Variants in TXNDC17 observed in about 807,000 individuals in gnomAD.
TXNDC17 encodes the protein thioredoxin domain containing 17, also known as thioredoxin domain-containing protein 17.
In TXNDC17, 12 loss-of-function variants were observed where a neutral mutation model predicts 16.3. That is an observed-to-expected ratio of 0.74 (90% CI 0.47 to 1.19). The LOEUF is 1.19. TXNDC17 is among the 50% of genes most tolerant of loss of function. TXNDC17 has a pLI of 0.00. For synonymous variants in TXNDC17, 62 were observed against 55.0 expected, an observed-to-expected ratio of 1.13 and a Z score of -0.56; for missense variants, 158 against 149.7, an observed-to-expected ratio of 1.06 and a Z score of -0.29.
Position 6,641,158 on chromosome 17 carries a change from A to T in TXNDC17, c.76A>T (p.Thr26Ser), listed in dbSNP as rs1972649853. ...GGCCGTGGAACAGCACAATGGCAAG[A>T]CCATTTTCGCCTACTTTACGGGTTC... Reference protein sequence around the residue: ...HRAVEQHNGKTIFAYFTGSKD... With the variant: ...HRAVEQHNGKSIFAYFTGSKD... Residue 26 changes from threonine to serine, a missense_variant, in exon 1 of 4, where the codon ACC (threonine) becomes TCC (serine). Coordinates refer to ENST00000250101, the MANE Select transcript of TXNDC17 (RefSeq NM_032731.4). 5 of 1,613,732 alleles carry T rather than the reference A, an allele frequency of 3.1e-6. 1 individual carries two copies. In the African/African-American group the frequency reaches 6.7e-5, roughly 22 times the overall value.
chr17:6,641,878 GC>G, intron 2 of TXNDC17, 44 bp downstream of exon 2: 1 of 1,574,042 alleles, frequency 6.4e-7, no homozygotes, highest in South Asian at 1.1e-5. Context: ...TGCACAAATT[GC>G]ATACTTAGGC....
intron 1 of TXNDC17, 107 bp downstream of exon 1, chr17:6,641,334 G>A (rs988183910): frequency 6.6e-7 from 1 of 1,511,602 alleles, no homozygotes; most frequent in Admixed American, 1.9e-5. Flanking sequence ...CCAGACATCC[G>A]CGGAGCAATC....
Position 6,642,602 on chromosome 17 carries a change from T to C in TXNDC17, c.303+278T>C, listed in dbSNP as rs568649746. The C allele has an allele frequency of 1.1e-5, 5 of 444,762 alleles. No individual in the cohort carries two copies. In the East Asian group the frequency reaches 1.5e-4, roughly 14 times the overall value. The allele number at this position is 444,762 out of a possible 1,614,324, so 27.6% of individuals were successfully genotyped here. A position where few individuals can be genotyped will look rare whatever the true frequency, so the allele number is the denominator to read the frequency against. On this transcript the variant is annotated intron_variant, in intron 3 of 3. Coordinates refer to ENST00000250101, the MANE Select transcript of TXNDC17 (RefSeq NM_032731.4). ...GCATCAACAGTTGTTTTCTGTTTAA[T>C]TCATAATTCTGGTTAAAAAGTAAGG... is the stretch of plus-strand genomic sequence containing the variant.
Position 6,643,064 on chromosome 17 carries a change from G to GT in TXNDC17, c.*46dup. On this transcript the variant is annotated 3_prime_UTR_variant, in exon 4 of 4. Coordinates refer to ENST00000250101, the MANE Select transcript of TXNDC17 (RefSeq NM_032731.4). ...TGTCTTGATGTCCTGATTTGTTCTAGTATCAATAAACTGTATACTTGCTTT... is the reference window on the plus strand; with the variant it reads ...TGTCTTGATGTCCTGATTTGTTCTAGTTATCAATAAACTGTATACTTGCTTT... 1 of 1,517,090 alleles carries GT rather than the reference G, an allele frequency of 6.6e-7. No individual in the cohort carries two copies. 94.0% of individuals were successfully genotyped at this position (1,517,090 alleles called of 1,614,324 possible).
At chr17:6,642,919 G>T (rs1233839889) in intron 3 of TXNDC17, 32 bp from the exon 4 acceptor site, 2 of 1,528,020 alleles carry the variant, frequency 1.3e-6, no homozygotes, top group African/African-American at 2.8e-5. Flanking sequence ...TTTTATAGAA[G>T]TAGTGAAGAT....
intron 1 of TXNDC17, chr17:6,641,505 A>T: frequency 1.6e-6 from 1 of 633,298 alleles, no homozygotes; most frequent in Non-Finnish European, 2.7e-6. Flanking sequence ...GTTGGTCAGC[A>T]AATACATGTG....
chr17:6,641,122 G>A lies in TXNDC17; in HGVS notation c.40G>A (p.Glu14Lys), dbSNP rs1348101740. ...GGAGGTGAGCGTGTCCGGCTTCGAG[G>A]AGTTCCACCGGGCCGTGGAACAGCA... ...YEEVSVSGFE[E>K]FHRAVEQHNG... The change falls in exon 1 of 4, where the codon GAG becomes AAG. Residue 14 changes from glutamate to lysine, a missense_variant. Transcript: ENST00000250101. 8 of 1,613,524 alleles carry A rather than the reference G, an allele frequency of 5.0e-6. No individual in the cohort carries two copies. The highest frequency in any genetic ancestry group is 6.8e-6 in the Non-Finnish European group (8 of 1,180,018).
intron 2 of TXNDC17, 102 bp downstream of exon 2, chr17:6,641,936 A>G: frequency 9.9e-7 from 1 of 1,011,834 alleles, no homozygotes; most frequent in South Asian, 1.3e-5. Flanking sequence ...TTACAAGGTA[A>G]TGTCTGACAA....
In TXNDC17 at chr17:6,643,095, CAT is replaced by C; in HGVS notation, c.*77_*78del. On this transcript the variant is annotated 3_prime_UTR_variant, in exon 4 of 4. Coordinates refer to ENST00000250101, the MANE Select transcript of TXNDC17 (RefSeq NM_032731.4). ...ATAAACTGTATACTTGCTTTGAATT[CAT>C]GTTAGCAATAAATGATGTTAAAAAA... The C allele has an allele frequency of 7.7e-7, 1 of 1,296,770 alleles. No homozygotes were observed. The highest frequency in any genetic ancestry group is 2.3e-5 in the East Asian group (1 of 42,960). 80.3% of individuals were successfully genotyped at this position (1,296,770 alleles called of 1,614,324 possible).
Position 6,644,111 on chromosome 17 carries a change from T to C in TXNDC17, c.*1092T>C. On this transcript the variant is annotated 3_prime_UTR_variant, in exon 4 of 4. Coordinates refer to ENST00000250101, the MANE Select transcript of TXNDC17 (RefSeq NM_032731.4). ...GTTCCAGGAGATGGTCTTGCCCTAC[T>C]ATATGTCAGGAACAGCTAGCCTTAG... 1 of 416,118 alleles carries C rather than the reference T, an allele frequency of 2.4e-6. No individual in the cohort carries two copies. The highest frequency in any genetic ancestry group is 4.2e-6 in the Non-Finnish European group (1 of 235,912). 25.8% of individuals were successfully genotyped at this position (416,118 alleles called of 1,614,324 possible).
Position 6,641,835 on chromosome 17 carries a change from G to C in TXNDC17, c.227+1G>C, listed in dbSNP as rs1972679375. The C allele has an allele frequency of 6.2e-7, 1 of 1,614,110 alleles. No individual in the cohort carries two copies. The highest frequency in any genetic ancestry group is 2.2e-5 in the East Asian group (1 of 44,890). On this transcript the variant is annotated splice_donor_variant, in intron 2 of 3. Coordinates refer to ENST00000250101, the MANE Select transcript of TXNDC17 (RefSeq NM_032731.4). LOFTEE classifies it high-confidence loss of function. ...ACTGCCAAGTAGGAGAAAAGCCTTA[G>C]TAAGTGGCAATGTATAATCTACCTC...
intron 2 of TXNDC17, 196 bp downstream of exon 2, chr17:6,642,030 G>A (rs541763610): frequency 5.2e-5 from 35 of 676,108 alleles, no homozygotes; most frequent in Non-Finnish European, 8.2e-5. Flanking sequence ...TTGGTCTGGT[G>A]TAAGCCCAGA....
chr17:6,644,384 A>G lies in TXNDC17; in HGVS notation c.*1365A>G. On this transcript the variant is annotated 3_prime_UTR_variant, in exon 4 of 4. Transcript: ENST00000250101. ...GCTACCATAATAAAGGTAGATAGGAAGAGTTTTCATTTTTTTTGTCTTCAC... is the reference window on the plus strand; with the variant it reads ...GCTACCATAATAAAGGTAGATAGGAGGAGTTTTCATTTTTTTTGTCTTCAC... 2 of 1,439,898 alleles carry G rather than the reference A, an allele frequency of 1.4e-6. No individual in the cohort carries two copies. The highest frequency in any genetic ancestry group is 1.6e-5 in the South Asian group (1 of 62,858). The allele number at this position is 1,439,898 out of a possible 1,614,324, so 89.2% of individuals were successfully genotyped here.
In TXNDC17 at chr17:6,642,042, C is replaced by T. The variant is rs983711655; in HGVS notation, c.228-207C>T. On this transcript the variant is annotated intron_variant, in intron 2 of 3. Transcript: ENST00000250101. ...AATTTGGTCTGGTGTAAGCCCAGAACTTAGCTGGCTTTACTTTTATATCTT... is the reference window on the plus strand; with the variant it reads ...AATTTGGTCTGGTGTAAGCCCAGAATTTAGCTGGCTTTACTTTTATATCTT... 2.4e-5 allele frequency: 16 copies of T among 658,086 alleles called. No individual in the cohort carries two copies. The Admixed American group carries it at 3.1e-4, about 13-fold the overall frequency. 40.8% of individuals were successfully genotyped at this position (658,086 alleles called of 1,614,324 possible).
chr17:6,641,587 G>T lies in TXNDC17; in HGVS notation c.146-166G>T, dbSNP rs116615557. The T allele has an allele frequency of 6.5e-4, 465 of 716,408 alleles. 2 individuals are homozygous for T. In the African/African-American group the frequency reaches 7.6e-3, roughly 12 times the overall value. 44.4% of individuals were successfully genotyped at this position (716,408 alleles called of 1,614,324 possible). ...GGATTTGGTCCTTACCCTTAACGTG[G>T]CTCTAAGACCAGAAGGGAACACCTG... On this transcript the variant is annotated intron_variant, in intron 1 of 3. Coordinates refer to ENST00000250101, the MANE Select transcript of TXNDC17 (RefSeq NM_032731.4).
Position 6,643,069 on chromosome 17 carries a change from A to AGTTT in TXNDC17, c.*50_*51insGTTT. The AGTTT allele has an allele frequency of 6.9e-7, 1 of 1,457,962 alleles. No individual in the cohort carries two copies. Among genetic ancestry groups the AGTTT allele is most frequent in the Non-Finnish European group, 9.6e-7 (1 of 1,039,316 alleles). The allele number at this position is 1,457,962 out of a possible 1,614,324, so 90.3% of individuals were successfully genotyped here. A position where few individuals can be genotyped will look rare whatever the true frequency, so the allele number is the denominator to read the frequency against. On this transcript the variant is annotated 3_prime_UTR_variant, in exon 4 of 4. Transcript: ENST00000250101. ...TGATGTCCTGATTTGTTCTAGTATCAATAAACTGTATACTTGCTTTGAATT... is the reference window on the plus strand; with the variant it reads ...TGATGTCCTGATTTGTTCTAGTATCAGTTTATAAACTGTATACTTGCTTTGAATT...
At position 6,641,818 on chromosome 17, in the gene TXNDC17, G is replaced by A; in HGVS notation, c.211G>A (p.Val71Ile). ...SEGCVFIYCQ[V>I]GEKPYWKDPN... ...AGGATGTGTGTTCATCTACTGCCAA[G>A]TAGGAGAAAAGCCTTAGTAAGTGGC... The change falls in exon 2 of 4, where the codon GTA (valine) becomes ATA (isoleucine). Residue 71 changes from valine to isoleucine, a missense_variant. Physicochemically the swap from Val to Ile is conservative, Grantham distance 29 (BLOSUM62 3). Transcript: ENST00000250101. The A allele has an allele frequency of 6.2e-7, 1 of 1,614,168 alleles. No homozygotes were observed. Among genetic ancestry groups the A allele is most frequent in the Admixed American group, 1.7e-5 (1 of 60,022 alleles).
Position 6,643,654 on chromosome 17 carries a change from CTG to C in TXNDC17, c.*639_*640del, listed in dbSNP as rs1177882439. The C allele has an allele frequency of 6.5e-6, 1 of 153,528 alleles. No individual in the cohort carries two copies. Among genetic ancestry groups the C allele is most frequent in the Non-Finnish European group, 1.4e-5 (1 of 68,966 alleles). The allele number at this position is 153,528 out of a possible 1,614,324, so 9.5% of individuals were successfully genotyped here. ...TCACACTGACTCTACCACTTACTAGCTGTGTAACCACAGGCAAGTTACTCACC... is the reference window on the plus strand; with the variant it reads ...TCACACTGACTCTACCACTTACTAGCTGTAACCACAGGCAAGTTACTCACC... On this transcript the variant is annotated 3_prime_UTR_variant, in exon 4 of 4. Coordinates refer to ENST00000250101, the MANE Select transcript of TXNDC17 (RefSeq NM_032731.4).
chr17:6,642,455 C>A, intron 3 of TXNDC17, 131 bp downstream of exon 3: 1 of 646,546 alleles, frequency 1.5e-6, no homozygotes, highest in South Asian at 2.1e-5. Flanking sequence ...TGCTGAAAGT[C>A]CATTCCTATG....
Sources: allele counts gnomAD v4.1 joint callset, GRCh38; gene constraint gnomAD v4.1.1; transcripts MANE v1.5; gene names NCBI Gene and HGNC (gene_info 2026-07-23, HGNC 2026-07-21).